The following NEK5 variants were observed in gnomAD, a reference collection of about 807,000 sequenced individuals.
The protein encoded by NEK5 is serine/threonine-protein kinase Nek5.
NEK5 carries 88 observed loss-of-function variants against 109.2 expected under a neutral mutation model. The ratio of observed to expected loss-of-function variants is 0.81; its 90% CI spans 0.68 to 0.96. The LOEUF (loss-of-function observed/expected upper bound fraction) is 0.96, where lower values mean the gene tolerates loss of function less well. Ranked by LOEUF, NEK5 falls within the 40% of genes least tolerant of loss-of-function variation. The pLI is 0.00. For missense variants in NEK5, 834 were observed against 920.7 expected (o/e 0.91, Z 1.22); for synonymous variants, 283 against 299.9 (o/e 0.94, Z 0.58).
Position 52,102,165 on chromosome 13 carries a change from T to C in NEK5, c.737A>G (p.Asp246Gly). The C allele has an allele frequency of 1.2e-6, 2 of 1,613,890 alleles. No homozygotes were observed. The highest frequency in any genetic ancestry group is 1.7e-6 in the Non-Finnish European group (2 of 1,179,896). The change falls in exon 10 of 24, where the codon GAC (aspartate) becomes GGC (glycine). Residue 246 changes from aspartate (D) to glycine (G), a missense_variant. Transcript: ENST00000684899. Reference protein sequence around the residue: ...ISQLFQVSPRDRPSINSILKR... With the variant: ...ISQLFQVSPRGRPSINSILKR... ...CAAAATGGAATTTATGGATGGTCGG[T>C]CTCGAGGAGATACTTGAAAGAGCTG...
chr13:52,089,747 G>A (rs1463930968), intron 13 of NEK5, among the ~76,000 whole-genome samples: 1 of 152,042 alleles, frequency 6.6e-6, no homozygotes, highest in Non-Finnish European at 1.5e-5. Flanking sequence ...CAGCACTTTG[G>A]GAGGCCGAGG....
chr13:52,126,795 G>C (rs189485391), intron 3 of NEK5, among the ~76,000 whole-genome samples: 44 of 151,322 alleles, frequency 2.9e-4, no homozygotes, highest in South Asian at 4.2e-4. Flanking sequence ...GAAAAGAAAA[G>C]AAAACAAAAA....
chr13:52,068,466 T>TACACACACACAC (rs5803591), intron 20 of NEK5, among the ~76,000 whole-genome samples: 3 of 148,142 alleles, frequency 2.0e-5, no homozygotes, highest in Non-Finnish European at 4.5e-5. Flanking sequence ...AATACACAAA[T>TACACACACACAC]ACACACACAC....
At chr13:52,116,922 C>CT (rs879560785) in intron 4 of NEK5, among the ~76,000 whole-genome samples, 1,577 of 143,898 alleles carry the variant, frequency 0.011, 19 homozygotes, top group African/African-American at 0.031. Flanking sequence ...ATCCTATTTT[C>CT]TTTTTTTTTT....
chr13:52,108,544 C>T, intron 7 of NEK5, 140 bp from the exon 8 acceptor site: 1 of 502,506 alleles, frequency 2.0e-6, no homozygotes, highest in Non-Finnish European at 3.5e-6. Context: ...GAAAGCAAAA[C>T]ACTGTATGTT....
At chr13:52,066,818 AT>A (rs1954698315) in intron 20 of NEK5, among the ~76,000 whole-genome samples, 1 of 151,812 alleles carries the variant, frequency 6.6e-6, no homozygotes, top group African/African-American at 2.4e-5. Flanking sequence ...AAAAAAAAAA[AT>A]GACCTATGTT....
At chr13:52,060,933 C>T (rs1351328423) in intron 22 of NEK5, among the ~76,000 whole-genome samples, 1 of 152,138 alleles carries the variant, frequency 6.6e-6, no homozygotes, top group Non-Finnish European at 1.5e-5. Context: ...GATCATAGTT[C>T]ACAGCATCCT....
intron 23 of NEK5, among the ~76,000 whole-genome samples, chr13:52,048,395 G>A (rs1313818125): frequency 6.6e-6 from 1 of 151,896 alleles, no homozygotes; most frequent in Non-Finnish European, 1.5e-5. Flanking sequence ...AACACTGTGA[G>A]ACCCCCATCT....
In NEK5 at chr13:52,037,051, A is replaced by C; in HGVS notation, c.2396T>G (p.Leu799Ter). 1 of 985,334 alleles carries C rather than the reference A, an allele frequency of 1.0e-6. No homozygotes were observed. The highest frequency in any genetic ancestry group is 1.2e-6 in the Non-Finnish European group (1 of 829,864). The allele number at this position is 985,334 out of a possible 1,614,324, so 61.0% of individuals were successfully genotyped here. A position where few individuals can be genotyped will look rare whatever the true frequency, so the allele number is the denominator to read the frequency against. The change falls in exon 24 of 24, where the codon TTA becomes TGA. Residue 799 changes from leucine to a stop codon, truncating the protein, a stop_gained. Transcript: ENST00000684899. LOFTEE classifies it high-confidence loss of function. ...AGAAATATTCTCCAAGCCCTCCCTT[A>C]ATTCTTCAGATTTCTGCATACTTAT... The part of the protein sequence containing the change: ...EGISMQKSEE[L>*]REGLENISTT...
rs150207380 is a variant in NEK5, at chr13:52,125,643, G to A, written c.117+1723C>T. ...ACTAGGGTACTGAAAGATGCCAGGG[G>A]TAGAGACAGAGATTTAAGAGAGATC... On this transcript the variant is annotated intron_variant, in intron 3 of 23. Coordinates refer to ENST00000684899, the MANE Select transcript of NEK5 (RefSeq NM_001365552.1). Among the ~76,000 whole-genome samples, 9 of 152,306 alleles carry A rather than the reference G, an allele frequency of 5.9e-5. No individual in the cohort carries two copies. The East Asian group carries it at 1.7e-3, about 29-fold the overall frequency.
At chr13:52,115,006 C>CA (rs1851475979) in intron 4 of NEK5, among the ~76,000 whole-genome samples, 1 of 151,502 alleles carries the variant, frequency 6.6e-6, no homozygotes, top group Non-Finnish European at 1.5e-5. Flanking sequence ...TTCATCATGA[C>CA]AGAGATACCT....
intron 15 of NEK5, 53 bp from the exon 16 acceptor site, chr13:52,086,416 A>C: frequency 1.9e-6 from 2 of 1,059,832 alleles, no homozygotes; most frequent in East Asian, 4.7e-5. Context: ...CACCATAACA[A>C]AAATAATCTT....
At chr13:52,073,772 C>CA (rs932049856) in intron 19 of NEK5, among the ~76,000 whole-genome samples, 1 of 152,074 alleles carries the variant, frequency 6.6e-6, no homozygotes, top group Non-Finnish European at 1.5e-5. Context: ...ACAACTTCAG[C>CA]AAAGTTTCAG....
At position 52,110,525 on chromosome 13, in the gene NEK5, C is replaced by T; in HGVS notation, c.365G>A (p.Arg122Lys). ...ISLGLKHIHDRKILHRDIKAQ... is the reference protein window; with the variant it reads ...ISLGLKHIHDKKILHRDIKAQ... ...TTTTATGTCCCTGTGTAATATCTTCCTGTCATGAATATGTTTTAGTCCTAG... is the reference window on the plus strand; with the variant it reads ...TTTTATGTCCCTGTGTAATATCTTCTTGTCATGAATATGTTTTAGTCCTAG... The change falls in exon 6 of 24, where the codon AGG becomes AAG. Residue 122 changes from arginine (R) to lysine (K), a missense_variant. Arg to Lys is a conservative substitution (Grantham distance 26, BLOSUM62 2). Around this residue, in one of 2 missense-constraint regions of NEK5, gnomAD observed 777 missense variants for 824.7 expected, o/e 0.94. Transcript: ENST00000684899. 1 of 1,612,672 alleles carries T rather than the reference C, an allele frequency of 6.2e-7. No homozygotes were observed. Among genetic ancestry groups the T allele is most frequent in the Admixed American group, 1.7e-5 (1 of 59,936 alleles).
chr13:52,080,246 G>A (rs1335981565), intron 17 of NEK5, among the ~76,000 whole-genome samples: 3 of 137,866 alleles, frequency 2.2e-5, no homozygotes, highest in African/African-American at 5.1e-5. Context: ...CCGGCCAGCC[G>A]CCCCATCCGG....
At chr13:52,069,321 C>T (rs151152821) in intron 20 of NEK5, among the ~76,000 whole-genome samples, 2 of 152,150 alleles carry the variant, frequency 1.3e-5, no homozygotes, top group Non-Finnish European at 1.5e-5. Context: ...TCCTCCATGA[C>T]CTGTCTCTCC....
intron 7 of NEK5, among the ~76,000 whole-genome samples, chr13:52,108,829 T>C (rs925117114): frequency 1.3e-5 from 2 of 152,212 alleles, no homozygotes; most frequent in Non-Finnish European, 2.9e-5. Flanking sequence ...CTGTCTTCTT[T>C]CCACACATAT....
At chr13:52,062,551 G>T (rs1954622515) in intron 21 of NEK5, among the ~76,000 whole-genome samples, 1 of 151,788 alleles carries the variant, frequency 6.6e-6, no homozygotes, top group African/African-American at 2.4e-5. Flanking sequence ...CTCCCGAGTA[G>T]CTGGGATTAC....
chr13:52,080,404 A>G (rs1436526446), intron 17 of NEK5, among the ~76,000 whole-genome samples: 2 of 151,900 alleles, frequency 1.3e-5, no homozygotes, highest in Non-Finnish European at 2.9e-5. Context: ...CCAACAGCTC[A>G]TTGAGAACGG....
Sources: allele counts gnomAD v4.1 joint callset (sites outside exome capture counted in the v4.1 genomes callset), GRCh38; gene constraint gnomAD v4.1.1; regional missense constraint gnomAD v4.1.1; transcripts MANE v1.5; gene names NCBI Gene and HGNC (gene_info 2026-07-23, HGNC 2026-07-21).